MXI1: variants seen among roughly 807,000 people sequenced by gnomAD.
MXI1 encodes the protein MAX interactor 1, dimerization protein, also known as max-interacting protein 1.
A neutral mutation model predicts 36.9 loss-of-function variants in MXI1; 18 were observed. The ratio of observed to expected loss-of-function variants is 0.49; its 90% CI spans 0.34 to 0.72. The LOEUF (loss-of-function observed/expected upper bound fraction) is 0.72. Ranked by LOEUF, MXI1 falls within the 30% of genes least tolerant of loss-of-function variation. The pLI is 0.01. For synonymous variants in MXI1, 160 were observed against 146.7 expected (o/e 1.09, Z -0.65); for missense variants, 304 against 379.1 (o/e 0.80, Z 1.64).
intron 1 of MXI1, among the ~76,000 whole-genome samples, chr10:110,224,738 C>G (rs1854911533): frequency 6.6e-6 from 1 of 151,742 alleles, no homozygotes. Context: ...ACCTCCGCCT[C>G]CCGGGTTCAA....
chr10:110,250,841 A>T (rs996421363), intron 3 of MXI1, among the ~76,000 whole-genome samples: 9 of 150,704 alleles, frequency 6.0e-5, no homozygotes, highest in Non-Finnish European at 1.0e-4. Flanking sequence ...AAAAAAAAAA[A>T]AAAAAAATAA....
At chr10:110,216,375 T>C (rs1854635607) in intron 1 of MXI1, among the ~76,000 whole-genome samples, 1 of 152,204 alleles carries the variant, frequency 6.6e-6, no homozygotes, top group African/African-American at 2.4e-5. Flanking sequence ...ACTTGCTTAA[T>C]GGGAGGCACT....
At chr10:110,255,966 A>C (rs1481436419) in intron 3 of MXI1, among the ~76,000 whole-genome samples, 1 of 152,226 alleles carries the variant, frequency 6.6e-6, no homozygotes, top group East Asian at 1.9e-4. Flanking sequence ...ACCAAAGAAC[A>C]GACTTACTGA....
chr10:110,230,916 G>A (rs147955594), intron 2 of MXI1, among the ~76,000 whole-genome samples: 98 of 152,338 alleles, frequency 6.4e-4, no homozygotes, highest in African/African-American at 2.1e-3. Flanking sequence ...AGCTACTAGT[G>A]TGGAAGTAGC....
intron 3 of MXI1, among the ~76,000 whole-genome samples, chr10:110,245,524 G>A (rs1855831052): frequency 6.6e-6 from 1 of 152,156 alleles, no homozygotes; most frequent in African/African-American, 2.4e-5. Context: ...AAGTTCTGCA[G>A]AGGATGGTGA....
intron 2 of MXI1, among the ~76,000 whole-genome samples, chr10:110,236,836 C>T (rs1466221773): frequency 6.6e-6 from 1 of 152,166 alleles, no homozygotes. Flanking sequence ...ATTGGGATTG[C>T]ACTGGATCTA....
rs1854406202 is a variant in MXI1, at chr10:110,208,095, G to T, written c.274+13G>T. 2 of 1,571,064 alleles carry T rather than the reference G, an allele frequency of 1.3e-6. No individual in the cohort carries two copies. The highest frequency in any genetic ancestry group is 1.7e-6 in the Non-Finnish European group (2 of 1,160,328). Reference sequence around the variant, plus strand: ...AAAGAAAACAAAAGTAAGTTTGGGGGCCCCTGCTCTTCCTCGGCGCCCGGT... The same window carrying T: ...AAAGAAAACAAAAGTAAGTTTGGGGTCCCCTGCTCTTCCTCGGCGCCCGGT... On this transcript the variant is annotated intron_variant, in intron 1 of 5. Transcript: ENST00000332674.
At position 110,285,027 on chromosome 10, in the gene MXI1, T is replaced by C. The variant is rs200475791; in HGVS notation, c.*40T>C. 7.1e-5 allele frequency: 110 copies of C among 1,559,932 alleles called. No homozygotes were observed. The highest frequency in any genetic ancestry group is 5.2e-4 in the Middle Eastern group (3 of 5,812). On this transcript the variant is annotated 3_prime_UTR_variant, in exon 6 of 6. Transcript: ENST00000332674. ...TAACAGTGCAGGGCAAAATATTCACTGGGCCAATTCAATACAAACAATCTC... is the reference window on the plus strand; with the variant it reads ...TAACAGTGCAGGGCAAAATATTCACCGGGCCAATTCAATACAAACAATCTC...
At chr10:110,230,700 C>A (rs561152218) in intron 2 of MXI1, among the ~76,000 whole-genome samples, 15 of 152,244 alleles carry the variant, frequency 9.9e-5, no homozygotes, top group Admixed American at 6.5e-4. Flanking sequence ...GGTATTTGGA[C>A]AATAGTGTTG....
intron 2 of MXI1, among the ~76,000 whole-genome samples, chr10:110,239,600 C>T (rs1490842394): frequency 2.0e-5 from 3 of 152,038 alleles, no homozygotes; most frequent in Non-Finnish European, 4.4e-5. Context: ...GGAGAACTTA[C>T]TCTGTATGAT....
chr10:110,277,396 A>G (rs1026664804), intron 3 of MXI1, among the ~76,000 whole-genome samples: 2 of 152,142 alleles, frequency 1.3e-5, no homozygotes, highest in Non-Finnish European at 2.9e-5. Flanking sequence ...AATAATCTTA[A>G]TGAAGAGTTT....
At chr10:110,258,138 A>G (rs1400221684) in intron 3 of MXI1, among the ~76,000 whole-genome samples, 5 of 152,212 alleles carry the variant, frequency 3.3e-5, no homozygotes, top group Admixed American at 3.3e-4. Flanking sequence ...TGTGGAGGAA[A>G]GGAAAAACAA....
chr10:110,227,294 T>C (rs1419958391), intron 1 of MXI1: 3 of 576,006 alleles, frequency 5.2e-6, no homozygotes, highest in Non-Finnish European at 5.7e-6. Context: ...GGCGTGCGCG[T>C]GTGGGAGGGG....
At position 110,256,602 on chromosome 10, in the gene MXI1, CAAAAAAAAAAAA is replaced by C. The variant is rs58267076; in HGVS notation, c.437+11761_437+11772del. 1.8e-4 allele frequency among the ~76,000 whole-genome samples: 9 copies of C among 48,870 alleles called. No homozygotes were observed. The South Asian group carries it at 3.3e-3, about 18-fold the overall frequency. 32.1% of individuals were successfully genotyped at this position (48,870 alleles called of 152,430 possible). A position where few individuals can be genotyped will look rare whatever the true frequency, so the allele number is the denominator to read the frequency against. On this transcript the variant is annotated intron_variant, in intron 3 of 5. Coordinates refer to ENST00000332674, the MANE Select transcript of MXI1 (RefSeq NM_130439.3). ...TAGGCAATAGAGTGAGACTCTGTCT[CAAAAAAAAAAAA>C]AAAAAAAAAAAAAAAGAAATGGCCA...
intron 1 of MXI1, among the ~76,000 whole-genome samples, chr10:110,215,908 G>A (rs116447643): frequency 0.021 from 3,188 of 152,178 alleles, 52 homozygotes; most frequent in African/African-American, 0.033. Flanking sequence ...GGAAGGGAAC[G>A]GGAGAGGCTT....
At chr10:110,260,964 G>T in intron 3 of MXI1, 1 of 982,730 alleles carries the variant, frequency 1.0e-6, no homozygotes, top group Non-Finnish European at 1.2e-6. Context: ...CTGGTTTTGT[G>T]GTTGTAACTG....
intron 2 of MXI1, among the ~76,000 whole-genome samples, chr10:110,231,371 C>CCA (rs1554854920): frequency 6.7e-6 from 1 of 149,506 alleles, no homozygotes; most frequent in East Asian, 2.0e-4. Flanking sequence ...CACCCCCCCC[C>CCA]CCTCAAAAAA....
intron 2 of MXI1, among the ~76,000 whole-genome samples, chr10:110,236,366 G>C (rs1354541490): frequency 1.3e-5 from 2 of 151,888 alleles, no homozygotes; most frequent in African/African-American, 4.8e-5. Flanking sequence ...TTTTCAAAAA[G>C]TTATGAAATC....
At chr10:110,259,153 T>C (rs1856418040) in intron 3 of MXI1, among the ~76,000 whole-genome samples, 1 of 152,144 alleles carries the variant, frequency 6.6e-6, no homozygotes, top group Non-Finnish European at 1.5e-5. Flanking sequence ...TTGTGGTAGC[T>C]TTTTATGCAA....
Sources: gnomAD v4.1 joint callset for allele counts (sites outside exome capture counted in the v4.1 genomes callset) on GRCh38, gnomAD v4.1.1 for gene constraint, MANE v1.5 for transcripts, NCBI Gene and HGNC (gene_info 2026-07-23, HGNC 2026-07-21) for gene names.